Variants in EFNB2 observed in about 807,000 individuals in gnomAD.
EFNB2 encodes the protein ephrin-B2.
A neutral mutation model predicts 32.1 loss-of-function variants in EFNB2; 5 were observed. That is an observed-to-expected ratio of 0.16 (90% confidence interval 0.08 to 0.33). EFNB2 has a LOEUF of 0.33. EFNB2 is among the 10% of genes least tolerant of loss of function. EFNB2 has a pLI of 1.00. For synonymous variants in EFNB2, 168 were observed against 166.5 expected (o/e 1.01, Z -0.07); for missense variants, 263 against 422.6 (o/e 0.62, Z 3.31).
chr13:106,505,262 T>C (rs932137927), intron 2 of EFNB2, among the ~76,000 whole-genome samples: 1 of 152,232 alleles, frequency 6.6e-6, no homozygotes, highest in South Asian at 2.1e-4. Flanking sequence ...TATGCATACA[T>C]ACTATCTTTA....
chr13:106,500,865 C>T (rs1011942131), intron 2 of EFNB2, among the ~76,000 whole-genome samples: 4 of 151,996 alleles, frequency 2.6e-5, no homozygotes, highest in Non-Finnish European at 4.4e-5. Flanking sequence ...AAGCATAATC[C>T]AGTAACAACA....
intron 1 of EFNB2, chr13:106,516,721 T>G (rs1402714670): frequency 6.6e-6 from 1 of 152,110 alleles, no homozygotes; most frequent in African/African-American, 2.4e-5. Context: ...CAAGCACACA[T>G]CAGTGGTGCC....
At chr13:106,532,673 G>A (rs953344371) in intron 1 of EFNB2, among the ~76,000 whole-genome samples, 12 of 152,152 alleles carry the variant, frequency 7.9e-5, no homozygotes, top group African/African-American at 2.9e-4. Context: ...CAGGCAGGCC[G>A]TTATCAGGAG....
chr13:106,512,615 T>C lies in EFNB2; in HGVS notation c.320A>G (p.Asp107Gly). Reference sequence around the variant, plus strand: ...TTGAAACTTGATGGTGAATTTGATATCTTGGTCTGGTTTGGCACAGTTGAG... The same window carrying C: ...TTGAAACTTGATGGTGAATTTGATACCTTGGTCTGGTTTGGCACAGTTGAG... ...PLLNCAKPDQ[D>G]IKFTIKFQEF... Residue 107 changes from aspartate to glycine, a missense_variant, in exon 2 of 5, where the codon GAT (aspartate) becomes GGT (glycine). Physicochemically the swap from Asp to Gly is moderately conservative, Grantham distance 94. Around this residue, in one of 3 missense-constraint regions of EFNB2, gnomAD observed 45 missense variants for 128.6 expected, o/e 0.35. Transcript: ENST00000646441. 1 of 1,613,938 alleles carries C rather than the reference T, an allele frequency of 6.2e-7. No individual in the cohort carries two copies. Among genetic ancestry groups the C allele is most frequent in the Non-Finnish European group, 8.5e-7 (1 of 1,179,908 alleles).
At chr13:106,515,538 A>C (rs1879284183) in intron 1 of EFNB2, among the ~76,000 whole-genome samples, 1 of 152,238 alleles carries the variant, frequency 6.6e-6, no homozygotes, top group Non-Finnish European at 1.5e-5. Flanking sequence ...ACGTGAGGCA[A>C]GAATTTGATC....
At chr13:106,532,976 C>T (rs997730113) in intron 1 of EFNB2, among the ~76,000 whole-genome samples, 16 of 152,084 alleles carry the variant, frequency 1.1e-4, no homozygotes, top group African/African-American at 2.4e-5. Context: ...AATTCTCCTA[C>T]CGGATACACA....
At chr13:106,506,581 A>G (rs902575498) in intron 2 of EFNB2, 1 of 152,212 alleles carries the variant, frequency 6.6e-6, no homozygotes, top group African/African-American at 2.4e-5. Context: ...GTTATGCAGC[A>G]TTACTGAAAC....
chr13:106,522,757 T>G (rs1407379086), intron 1 of EFNB2, among the ~76,000 whole-genome samples: 1 of 152,178 alleles, frequency 6.6e-6, no homozygotes, highest in Non-Finnish European at 1.5e-5. Context: ...AAATGAAACC[T>G]TTCCCTTTTG....
At chr13:106,511,514 T>C (rs1241357232) in intron 2 of EFNB2, among the ~76,000 whole-genome samples, 1 of 152,130 alleles carries the variant, frequency 6.6e-6, no homozygotes, top group Non-Finnish European at 1.5e-5. Context: ...GTGCGGCTCA[T>C]AGGTTGAGAT....
chr13:106,494,336 C>T (rs187316293), intron 4 of EFNB2, among the ~76,000 whole-genome samples: 384 of 152,234 alleles, frequency 2.5e-3, no homozygotes, highest in African/African-American at 5.8e-3. Context: ...AGGTCAACGA[C>T]GGACAATTTT....
chr13:106,520,439 T>G (rs1450312572), intron 1 of EFNB2: 1 of 152,218 alleles, frequency 6.6e-6, no homozygotes, highest in African/African-American at 2.4e-5. Context: ...CACCCCACCA[T>G]GTACTTTGGG....
intron 1 of EFNB2, among the ~76,000 whole-genome samples, chr13:106,532,526 CAG>C (rs1250722085): frequency 6.6e-6 from 1 of 152,202 alleles, no homozygotes; most frequent in African/African-American, 2.4e-5. Flanking sequence ...CCCCTGTCAT[CAG>C]GGGGTTGTAT....
chr13:106,511,156 C>T (rs1285913155), intron 2 of EFNB2, among the ~76,000 whole-genome samples: 1 of 152,216 alleles, frequency 6.6e-6, no homozygotes, highest in South Asian at 2.1e-4. Flanking sequence ...ACCCCATCTA[C>T]CTGTTTCATT....
At position 106,512,541 on chromosome 13, in the gene EFNB2, A is replaced by C. The variant is rs1879177858; in HGVS notation, c.394T>G (p.Tyr132Asp). 1.3e-6 allele frequency: 2 copies of C among 1,598,596 alleles called. No homozygotes were observed. Among genetic ancestry groups the C allele is most frequent in the Non-Finnish European group, 1.7e-6 (2 of 1,169,624 alleles). Residue 132 changes from tyrosine (Y) to aspartate (D), a missense_variant, in exon 2 of 5, where the codon TAT becomes GAT. This residue lies in a region of EFNB2 where 45 missense variants were observed against 128.6 expected (regional missense o/e 0.35). Transcript: ENST00000646441. ...AAATTATACTTACATATAATGTAAT[A>C]ATCTTTGTTCTTCTGAAATTCTAGA... The part of the protein sequence containing the change: ...WGLEFQKNKD[Y>D]YIISTSNGSL...
rs1879274633 is a variant in EFNB2 at position 106,515,239 on chromosome 13, CG to C, written c.123-2428del. On this transcript the variant is annotated intron_variant, in intron 1 of 4. Transcript: ENST00000646441. ...TGTTTGAGGCCATATTTTCAGAAGG[CG>C]TAAGTCATATAAATCATTTAATGAG... 2.6e-5 allele frequency among the ~76,000 whole-genome samples: 4 copies of C among 152,230 alleles called. No individual in the cohort carries two copies. The South Asian group carries it at 8.3e-4, about 32-fold the overall frequency.
At chr13:106,526,385 A>C (rs1249649908) in intron 1 of EFNB2, among the ~76,000 whole-genome samples, 1 of 152,224 alleles carries the variant, frequency 6.6e-6, no homozygotes, top group Non-Finnish European at 1.5e-5. Flanking sequence ...AGAGTGGTGA[A>C]GGCTTGCATA....
intron 2 of EFNB2, among the ~76,000 whole-genome samples, chr13:106,500,103 A>C (rs908218478): frequency 1.3e-5 from 2 of 152,230 alleles, no homozygotes; most frequent in Non-Finnish European, 2.9e-5. Flanking sequence ...GTAACTGTAA[A>C]GCAGACTGGA....
At chr13:106,517,160 A>G (rs2138927135) in intron 1 of EFNB2, 1 of 152,336 alleles carries the variant, frequency 6.6e-6, no homozygotes, top group East Asian at 1.9e-4. Context: ...TGAAAGTGTT[A>G]AAAAGAATTA....
intron 1 of EFNB2, chr13:106,516,560 C>A (rs957824955): frequency 1.3e-4 from 20 of 152,236 alleles, no homozygotes; most frequent in Admixed American, 1.3e-3. Context: ...TCAGTTTTGA[C>A]TGCAGCACAT....
Sources: gnomAD v4.1 joint callset for allele counts (sites outside exome capture counted in the v4.1 genomes callset) on GRCh38, gnomAD v4.1.1 for gene constraint, gnomAD v4.1.1 regional missense constraint, MANE v1.5 for transcripts, NCBI Gene and HGNC (gene_info 2026-07-23, HGNC 2026-07-21) for gene names.